BICDL1: variants seen among roughly 807,000 people sequenced by gnomAD.
The protein encoded by BICDL1 is BICD family like cargo adaptor 1, also known as BICD family-like cargo adapter 1.
BICDL1 carries 20 observed loss-of-function variants against 76.8 expected under a neutral mutation model. The observed-to-expected ratio is 0.26, with a 90% CI of 0.18 to 0.38. The LOEUF (loss-of-function observed/expected upper bound fraction) is 0.38. Ranked by LOEUF, BICDL1 falls within the 10% of genes least tolerant of loss-of-function variation. BICDL1 has a pLI of 1.00. For missense variants in BICDL1, 700 were observed against 798.6 expected (o/e 0.88, Z 1.49); for synonymous variants, 383 against 337.1 (o/e 1.14, Z -1.49).
chr12:120,007,980 C>T (rs908773029), intron 2 of BICDL1, among the ~76,000 whole-genome samples: 5 of 152,000 alleles, frequency 3.3e-5, no homozygotes, highest in Admixed American at 2.6e-4. Context: ...AAGTCTGCTT[C>T]GTTTACAGAG....
Position 120,041,013 on chromosome 12 carries a change from C to G in BICDL1, c.646-20697C>G, listed in dbSNP as rs538881830. 3.3e-5 allele frequency among the ~76,000 whole-genome samples: 5 copies of G among 152,256 alleles called. No homozygotes were observed. In the East Asian group the frequency reaches 7.7e-4, roughly 24 times the overall value. The stretch of plus-strand genomic sequence containing the variant: ...CCACCTGTCTCACCCTCCCAAAGTG[C>G]TGAGATTACAGGTATGAGCCACTGC... On this transcript the variant is annotated intron_variant, in intron 2 of 9. Transcript: ENST00000548673.
At position 120,093,883 on chromosome 12, in the gene BICDL1, C is replaced by T. The variant is rs1875197790; in HGVS notation, c.*722C>T. 8.1e-6 allele frequency: 2 copies of T among 248,374 alleles called. No individual in the cohort carries two copies. The highest frequency in any genetic ancestry group is 4.4e-5 in the South Asian group (1 of 22,532). The allele number at this position is 248,374 out of a possible 1,614,324, so 15.4% of individuals were successfully genotyped here. ...GGCCTGGCCAGGCAGAGTGTTATCACCAGTCATCTGCAGGCTTTAGCCATC... is the reference window on the plus strand; with the variant it reads ...GGCCTGGCCAGGCAGAGTGTTATCATCAGTCATCTGCAGGCTTTAGCCATC... On this transcript the variant is annotated 3_prime_UTR_variant, in exon 10 of 10. Transcript: ENST00000548673.
Position 120,072,651 on chromosome 12 carries a change from G to C in BICDL1, c.1230G>C (p.Val410=). The change falls in exon 6 of 10, where the codon GTG becomes GTC. Residue 410 remains valine, a synonymous_variant. Coordinates refer to ENST00000548673, the MANE Select transcript of BICDL1 (RefSeq NM_001367886.1). ...CAGAAACCTCGTCCGCCAAGGATGT[G>C]CCAGCCGGCAGCTTGCGCACTGCCC... is the stretch of plus-strand genomic sequence containing the variant. The part of the protein sequence containing the change: ...ESSETSSAKD[V]PAGSLRTALN... 6.2e-7 allele frequency: 1 copy of C among 1,614,206 alleles called. No individual in the cohort carries two copies.
intron 2 of BICDL1, among the ~76,000 whole-genome samples, chr12:120,004,409 G>A (rs1181585457): frequency 6.6e-6 from 1 of 152,168 alleles, no homozygotes; most frequent in Non-Finnish European, 1.5e-5. Context: ...TGCTTCAAAG[G>A]CTGAATGAAG....
At chr12:120,078,628 T>C (rs923829110) in intron 7 of BICDL1, among the ~76,000 whole-genome samples, 58 of 152,330 alleles carry the variant, frequency 3.8e-4, no homozygotes, top group East Asian at 1.9e-3. Context: ...AATAGTTATT[T>C]TTATTTCCGC....
chr12:119,989,789 G>C lies in BICDL1; in HGVS notation c.-80G>C, dbSNP rs1341945437. ...CGAGGCGAGGCGCGGGACGCGGGGC[G>C]GCGCGGCAGGGCCCCTCCCCCCTGC... On this transcript the variant is annotated 5_prime_UTR_variant, in exon 1 of 10. Transcript: ENST00000548673. 3.4e-6 allele frequency: 2 copies of C among 595,616 alleles called. No individual in the cohort carries two copies. The highest frequency in any genetic ancestry group is 4.2e-6 in the Non-Finnish European group (2 of 476,076). The allele number at this position is 595,616 out of a possible 1,614,324, so 36.9% of individuals were successfully genotyped here.
rs118129036 is a variant in BICDL1, at chr12:120,009,742, C to G, written c.645+11006C>G. 7.7e-3 allele frequency among the ~76,000 whole-genome samples: 1,167 copies of G among 152,282 alleles called. 8 individuals are homozygous for G. Among genetic ancestry groups the G allele is most frequent in the Non-Finnish European group, 0.012 (798 of 68,018 alleles). On this transcript the variant is annotated intron_variant, in intron 2 of 9. Coordinates refer to ENST00000548673, the MANE Select transcript of BICDL1 (RefSeq NM_001367886.1). ...CAGCATACTATATACTCTTTTGTTA[C>G]TTATGCTGGTTAGCCCATAGTTGTG...
intron 1 of BICDL1, among the ~76,000 whole-genome samples, chr12:119,994,501 T>G (rs1951595551): frequency 1.3e-5 from 2 of 152,144 alleles, no homozygotes; most frequent in South Asian, 4.1e-4. Flanking sequence ...TAGACTCTTT[T>G]TTTTTCGAGA....
At chr12:120,062,561 A>G (rs2138903903) in intron 3 of BICDL1, among the ~76,000 whole-genome samples, 1 of 152,274 alleles carries the variant, frequency 6.6e-6, no homozygotes, top group Middle Eastern at 3.4e-3. Context: ...CAGGTTGAAC[A>G]AGTAACCTTC....
chr12:120,024,823 T>TTTG (rs142436978), intron 2 of BICDL1, among the ~76,000 whole-genome samples: 127 of 150,838 alleles, frequency 8.4e-4, no homozygotes, highest in Admixed American at 2.1e-3. Context: ...CACCTGGCAT[T>TTTG]TTGTTGTTGT....
intron 2 of BICDL1, among the ~76,000 whole-genome samples, chr12:120,025,049 CT>C (rs200425537): frequency 0.036 from 4,620 of 127,826 alleles, 212 homozygotes; most frequent in African/African-American, 0.13. Context: ...TACTTTCTTT[CT>C]TTTTTTTTTT....
Position 120,022,379 on chromosome 12 carries a change from C to G in BICDL1, c.645+23643C>G, listed in dbSNP as rs549992377. On this transcript the variant is annotated intron_variant, in intron 2 of 9. Transcript: ENST00000548673. ...AGGAGTTCGAGACCACCCTAGGCAA[C>G]AGCGTGAGACCCTGTCTCTTAAAAA... Among the ~76,000 whole-genome samples, 6 of 150,008 alleles carry G rather than the reference C, an allele frequency of 4.0e-5. 1 individual carries two copies. The highest frequency in any genetic ancestry group is 1.5e-4 in the African/African-American group (6 of 41,118).
At chr12:120,045,232 C>T (rs1236398799) in intron 2 of BICDL1, among the ~76,000 whole-genome samples, 1 of 152,148 alleles carries the variant, frequency 6.6e-6, no homozygotes, top group Non-Finnish European at 1.5e-5. Flanking sequence ...CCATCTCACA[C>T]CAGTTAGAAT....
Position 119,990,431 on chromosome 12 carries a change from G to A in BICDL1, c.429+134G>A, listed in dbSNP as rs567329862. 3.6e-5 allele frequency: 53 copies of A among 1,453,262 alleles called. No individual in the cohort carries two copies. The South Asian group carries it at 5.7e-4, about 16-fold the overall frequency. The allele number at this position is 1,453,262 out of a possible 1,614,324, so 90.0% of individuals were successfully genotyped here. A position where few individuals can be genotyped will look rare whatever the true frequency, so the allele number is the denominator to read the frequency against. On this transcript the variant is annotated intron_variant, in intron 1 of 9. Coordinates refer to ENST00000548673, the MANE Select transcript of BICDL1 (RefSeq NM_001367886.1). The stretch of plus-strand genomic sequence containing the variant: ...TCGCAGAAAATCTGGAATGAATGGG[G>A]GAGGGAGGATGGAGGATTATCAGAT...
chr12:120,001,601 A>T (rs1951760656), intron 2 of BICDL1, among the ~76,000 whole-genome samples: 1 of 152,232 alleles, frequency 6.6e-6, no homozygotes, highest in African/African-American at 2.4e-5. Context: ...TATGAAATGT[A>T]TAATATCTAA....
chr12:120,028,600 C>G (rs1952357203), intron 2 of BICDL1, among the ~76,000 whole-genome samples: 1 of 151,674 alleles, frequency 6.6e-6, no homozygotes, highest in South Asian at 2.1e-4. Flanking sequence ...CACTTGAACC[C>G]AGAAGGTGGA....
At position 120,034,503 on chromosome 12, in the gene BICDL1, C is replaced by A. The variant is rs182362426; in HGVS notation, c.646-27207C>A. On this transcript the variant is annotated intron_variant, in intron 2 of 9. Transcript: ENST00000548673. ...AGGGCAGGACATGTGACTTTATGAC[C>A]CGTTTTGGGATGTAAGATCATCCCA... 2.0e-5 allele frequency among the ~76,000 whole-genome samples: 3 copies of A among 152,226 alleles called. No individual in the cohort carries two copies. In the East Asian group the frequency reaches 5.8e-4, roughly 29 times the overall value.
chr12:119,995,307 T>C (rs950618183), intron 1 of BICDL1, among the ~76,000 whole-genome samples: 1 of 152,218 alleles, frequency 6.6e-6, no homozygotes, highest in Non-Finnish European at 1.5e-5. Flanking sequence ...TGTTTATTAA[T>C]AGGAAAGCCT....
intron 2 of BICDL1, among the ~76,000 whole-genome samples, chr12:120,042,741 G>T (rs965294234): frequency 7.9e-5 from 12 of 151,160 alleles, no homozygotes; most frequent in African/African-American, 2.7e-4. Context: ...GGAGGCGAAG[G>T]TTGCAGTGAG....
Sources: allele counts gnomAD v4.1 joint callset (sites outside exome capture counted in the v4.1 genomes callset), GRCh38; gene constraint gnomAD v4.1.1; transcripts MANE v1.5; gene names NCBI Gene and HGNC (gene_info 2026-07-23, HGNC 2026-07-21).